The following ALPK1 variants were observed in gnomAD, a reference collection of about 807,000 sequenced individuals.
ALPK1 encodes the protein alpha kinase 1.
In ALPK1, 110 loss-of-function variants were observed where a neutral mutation model predicts 120.6. The ratio of observed to expected loss-of-function variants is 0.91; its 90% confidence interval spans 0.78 to 1.07. The LOEUF is 1.07. Among genes scored for constraint, ALPK1 ranks in the 50% least tolerant of loss-of-function variants. The probability of loss-of-function intolerance (pLI) is 0.00; values close to 1 mark genes in which losing one functional copy is unlikely to be tolerated. For synonymous variants in ALPK1, 582 were observed against 560.3 expected (o/e 1.04, Z -0.55); for missense variants, 1,498 against 1,483.9 (o/e 1.01, Z -0.16).
chr4:112,406,805 C>A (rs1329125497), intron 4 of ALPK1, among the ~76,000 whole-genome samples: 1 of 152,206 alleles, frequency 6.6e-6, no homozygotes, highest in East Asian at 1.9e-4. Context: ...AAGGATACTA[C>A]ACAGACAGGC....
At chr4:112,376,679 A>G (rs1269243174) in intron 2 of ALPK1, among the ~76,000 whole-genome samples, 3 of 152,346 alleles carry the variant, frequency 2.0e-5, no homozygotes, top group Non-Finnish European at 1.5e-5. Flanking sequence ...TTCAATGGTT[A>G]CTTCATTGCA....
intron 2 of ALPK1, among the ~76,000 whole-genome samples, chr4:112,338,735 A>G (rs1046628268): frequency 5.3e-5 from 8 of 152,238 alleles, no homozygotes; most frequent in African/African-American, 1.9e-4. Flanking sequence ...CATTAACTAT[A>G]AATAAATTTC....
At chr4:112,365,207 C>T (rs1731089014) in intron 2 of ALPK1, among the ~76,000 whole-genome samples, 2 of 152,058 alleles carry the variant, frequency 1.3e-5, no homozygotes, top group Admixed American at 1.3e-4. Context: ...CTAGCCAGAG[C>T]AGTCAGCCAA....
In ALPK1 at chr4:112,377,872, A is replaced by G; in HGVS notation, c.95A>G (p.Asp32Gly). ...GAAGCGCCAGATGTGTCGGAAGAGG[A>G]CAAGAGCGAGGACCAGCGCTGCAGA... ...LLEAPDVSEE[D>G]KSEDQRCRAL... The change falls in exon 3 of 16, where the codon GAC (aspartate) becomes GGC (glycine). Residue 32 changes from aspartate to glycine, a missense_variant. Asp to Gly is a moderately conservative substitution (Grantham distance 94). Coordinates refer to ENST00000650871, the MANE Select transcript of ALPK1 (RefSeq NM_025144.4). 1 of 1,613,214 alleles carries G rather than the reference A, an allele frequency of 6.2e-7. No homozygotes were observed. The highest frequency in any genetic ancestry group is 8.5e-7 in the Non-Finnish European group (1 of 1,179,464).
In ALPK1 at chr4:112,415,268, A is replaced by G. The variant is rs562838665; in HGVS notation, c.475+3243A>G. 2.0e-5 allele frequency among the ~76,000 whole-genome samples: 3 copies of G among 152,346 alleles called. No homozygotes were observed. The South Asian group carries it at 6.2e-4, about 32-fold the overall frequency. ...GAGATCAAATGCAAAACTATACTCT[A>G]GAGAAGTATCCACACCCAGGGCCAT... On this transcript the variant is annotated intron_variant, in intron 5 of 15. Transcript: ENST00000650871.
chr4:112,320,529 G>C (rs539289697), intron 2 of ALPK1, among the ~76,000 whole-genome samples: 2 of 152,194 alleles, frequency 1.3e-5, no homozygotes, highest in Admixed American at 1.3e-4. Flanking sequence ...TCCTTTCCTG[G>C]TTTTGATGTT....
chr4:112,309,451 A>T (rs1728294848), intron 1 of ALPK1, among the ~76,000 whole-genome samples: 1 of 152,064 alleles, frequency 6.6e-6, no homozygotes, highest in South Asian at 2.1e-4. Context: ...GCAATGGCAG[A>T]CGCCCCTCCC....
intron 4 of ALPK1, among the ~76,000 whole-genome samples, chr4:112,388,447 G>T (rs1732248529): frequency 6.6e-6 from 1 of 152,174 alleles, no homozygotes; most frequent in Non-Finnish European, 1.5e-5. Context: ...ATAAGCTCTT[G>T]ATTAAAAGAT....
At chr4:112,440,157 TA>T (rs1485889079) in intron 14 of ALPK1, among the ~76,000 whole-genome samples, 1 of 152,200 alleles carries the variant, frequency 6.6e-6, no homozygotes, top group Non-Finnish European at 1.5e-5. Flanking sequence ...TTATTTCACT[TA>T]AGTAGATTTG....
intron 2 of ALPK1, among the ~76,000 whole-genome samples, chr4:112,361,050 A>T (rs1560653258): frequency 2.0e-5 from 3 of 152,234 alleles, no homozygotes; most frequent in African/African-American, 7.2e-5. Context: ...GATTGAAAAT[A>T]TTTGAAAAAA....
chr4:112,435,321 G>T lies in ALPK1; in HGVS notation c.3188+20G>T. 1 of 1,600,626 alleles carries T rather than the reference G, an allele frequency of 6.2e-7. No homozygotes were observed. Among genetic ancestry groups the T allele is most frequent in the South Asian group, 1.1e-5 (1 of 89,402 alleles). On this transcript the variant is annotated intron_variant, in intron 12 of 15. Transcript: ENST00000650871. Reference sequence around the variant, plus strand: ...GGGGAGGTATTACTTAAAAACATTTGTATAACTAATGTAAGATGAGCTAAC... The same window carrying T: ...GGGGAGGTATTACTTAAAAACATTTTTATAACTAATGTAAGATGAGCTAAC...
chr4:112,322,686 A>G (rs1369861183), intron 2 of ALPK1, among the ~76,000 whole-genome samples: 1 of 152,218 alleles, frequency 6.6e-6, no homozygotes, highest in African/African-American at 2.4e-5. Flanking sequence ...AACAAAAAAT[A>G]GGAAACAATC....
intron 4 of ALPK1, among the ~76,000 whole-genome samples, chr4:112,391,860 G>A (rs1020510783): frequency 2.6e-5 from 4 of 152,098 alleles, no homozygotes; most frequent in African/African-American, 9.7e-5. Context: ...CATACCAAGT[G>A]CATATGTGTA....
intron 4 of ALPK1, among the ~76,000 whole-genome samples, chr4:112,400,286 G>C (rs1732848800): frequency 6.6e-6 from 1 of 152,202 alleles, no homozygotes; most frequent in Non-Finnish European, 1.5e-5. Context: ...CTATAAGTAA[G>C]ATATTGGTAT....
intron 4 of ALPK1, among the ~76,000 whole-genome samples, chr4:112,396,810 C>T (rs1175206739): frequency 6.6e-6 from 1 of 151,976 alleles, no homozygotes; most frequent in Non-Finnish European, 1.5e-5. Context: ...CAGAGTCTCA[C>T]TCTGTCACCC....
At chr4:112,360,613 A>G (rs1730870947) in intron 2 of ALPK1, among the ~76,000 whole-genome samples, 1 of 152,222 alleles carries the variant, frequency 6.6e-6, no homozygotes, top group African/African-American at 2.4e-5. Flanking sequence ...ATAATCTACA[A>G]GTTTTTTGCT....
intron 4 of ALPK1, among the ~76,000 whole-genome samples, chr4:112,385,421 C>A (rs906394694): frequency 2.0e-5 from 3 of 152,156 alleles, no homozygotes; most frequent in African/African-American, 7.2e-5. Context: ...CTCTAAGGGG[C>A]GCTGTCTATT....
intron 2 of ALPK1, among the ~76,000 whole-genome samples, chr4:112,341,215 T>A (rs1729850056): frequency 6.6e-6 from 1 of 152,208 alleles, no homozygotes; most frequent in Admixed American, 6.5e-5. Context: ...TTCTTTCCAG[T>A]CCCTGTTAAC....
At chr4:112,319,790 A>AT (rs1033178937) in intron 2 of ALPK1, among the ~76,000 whole-genome samples, 2 of 152,006 alleles carry the variant, frequency 1.3e-5, no homozygotes, top group Non-Finnish European at 2.9e-5. Context: ...TAAGTAATTT[A>AT]TTTTTTTGCA....
Sources: allele counts gnomAD v4.1 joint callset (sites outside exome capture counted in the v4.1 genomes callset), GRCh38; gene constraint gnomAD v4.1.1; transcripts MANE v1.5; gene names NCBI Gene and HGNC (gene_info 2026-07-23, HGNC 2026-07-21).